The following ZMYND11 variants were observed in gnomAD, a reference collection of about 807,000 sequenced individuals.
ZMYND11 encodes the protein zinc finger MYND domain-containing protein 11.
Under a neutral mutation model 84.9 loss-of-function variants are expected in ZMYND11, and 9 were observed. The observed-to-expected ratio is 0.11, with a 90% CI of 0.06 to 0.18. The LOEUF (loss-of-function observed/expected upper bound fraction) is 0.18, where lower values mean the gene tolerates loss of function less well. Among genes scored for constraint, ZMYND11 ranks in the 10% least tolerant of loss-of-function variants. ZMYND11 has a pLI of 1.00. For synonymous variants in ZMYND11, 250 were observed against 244.1 expected, an observed-to-expected ratio of 1.02 and a Z score of -0.23; for missense variants, 409 against 761.0, an observed-to-expected ratio of 0.54 and a Z score of 5.44.
At chr10:148,150 T>C (rs1388755262) in intron 1 of ZMYND11, 1 of 152,422 alleles carries the variant, frequency 6.6e-6, no homozygotes. Flanking sequence ...AATATTTCCA[T>C]GTACAGGTGG....
Position 249,469 on chromosome 10 carries a change from CAATA to C in ZMYND11, c.1686+386_1686+389del, listed in dbSNP as rs915691139. On this transcript the variant is annotated intron_variant, in intron 14 of 14. Coordinates refer to ENST00000381604, the MANE Select transcript of ZMYND11 (RefSeq NM_001370100.5). ...GGTGAAATTATAAATGTAATTATCA[CAATA>C]AATAGTTTCAGATTTCCCTGCACTT... 9.0e-5 allele frequency: 89 copies of C among 984,730 alleles called. No homozygotes were observed. The African/African-American group carries it at 1.5e-3, about 16-fold the overall frequency. The allele number at this position is 984,730 out of a possible 1,614,324, so 61.0% of individuals were successfully genotyped here.
chr10:249,310 T>A (rs1952841966), intron 14 of ZMYND11: 3 of 1,373,950 alleles, frequency 2.2e-6, no homozygotes, highest in South Asian at 3.4e-5. Context: ...TTTGTTAAAT[T>A]GAGATTATAA....
intron 2 of ZMYND11, among the ~76,000 whole-genome samples, chr10:199,781 A>G (rs749165353): frequency 6.6e-6 from 1 of 152,158 alleles, no homozygotes; most frequent in East Asian, 1.9e-4. Context: ...ATAGTATTCT[A>G]TCAAGTGGAT....
At chr10:135,393 GGGAGGAGGCCGGCAGGGAGGA>G (rs1456339545), upstream of ZMYND11, 3 of 150,942 alleles carry the variant, frequency 2.0e-5, no homozygotes, top group Non-Finnish European at 4.4e-5. This position sits in a 1 kb window ranked among gnomAD's most constrained non-coding sequence, Gnocchi z 5.6. Context: ...CCGGGGAGGA[GGGAGGAGGCCGGCAGGGAGGA>G]GGAGGAGGCG....
At chr10:172,976 T>C (rs1400205724) in intron 1 of ZMYND11, among the ~76,000 whole-genome samples, 1 of 151,602 alleles carries the variant, frequency 6.6e-6, no homozygotes, top group African/African-American at 2.4e-5. Context: ...AGGCAATACA[T>C]TGGAGCAAAA....
chr10:202,839 C>T (rs1209230628), intron 2 of ZMYND11, among the ~76,000 whole-genome samples: 1 of 152,096 alleles, frequency 6.6e-6, no homozygotes, highest in Non-Finnish European at 1.5e-5. Flanking sequence ...GGACTAACAA[C>T]AAAGCAGACC....
intron 5 of ZMYND11, 130 bp from the exon 6 acceptor site, chr10:237,455 C>G: frequency 1.9e-6 from 1 of 526,104 alleles, no homozygotes; most frequent in East Asian, 3.4e-5. Context: ...CCAGCCTGGG[C>G]AAGATGGCAA....
Position 168,154 on chromosome 10 carries a change from C to A in ZMYND11, c.-19-11840C>A, listed in dbSNP as rs1416153910. ...AAAACTGACAATACTGCTGGGCAGA[C>A]AATACTACATATGCAATAATTGTAT... On this transcript the variant is annotated intron_variant, in intron 1 of 14. Coordinates refer to ENST00000381604, the MANE Select transcript of ZMYND11 (RefSeq NM_001370100.5). Among the ~76,000 whole-genome samples, 8 of 151,946 alleles carry A rather than the reference C, an allele frequency of 5.3e-5. 1 individual carries two copies. In the East Asian group the frequency reaches 1.2e-3, roughly 22 times the overall value.
At chr10:237,227 C>A (rs1589177612) in intron 5 of ZMYND11, among the ~76,000 whole-genome samples, 1 of 152,100 alleles carries the variant, frequency 6.6e-6, no homozygotes, top group Non-Finnish European at 1.5e-5. Flanking sequence ...AAATGAAAGG[C>A]AATTTTTCAA....
chr10:150,101 T>C (rs1839958848), intron 1 of ZMYND11, among the ~76,000 whole-genome samples: 1 of 152,220 alleles, frequency 6.6e-6, no homozygotes, highest in Non-Finnish European at 1.5e-5. Context: ...TGCCAGGCGT[T>C]GGTATCAGGA....
upstream of ZMYND11, among the ~76,000 whole-genome samples, chr10:134,105 CCTTA>C (rs1161258359): frequency 6.6e-6 from 1 of 152,074 alleles, no homozygotes; most frequent in Non-Finnish European, 1.5e-5. Context: ...TAGTGCTGAA[CCTTA>C]CTTACACTAC....
At chr10:227,549 G>GA (rs374421265) in intron 4 of ZMYND11, among the ~76,000 whole-genome samples, 15 of 150,984 alleles carry the variant, frequency 9.9e-5, no homozygotes, top group Admixed American at 2.6e-4. Flanking sequence ...GATAGTTAAA[G>GA]AAAAAAAAAT....
rs200125707 is a variant in ZMYND11, at chr10:223,299, A to C, written c.438+1943A>C. On this transcript the variant is annotated intron_variant, in intron 4 of 14. Transcript: ENST00000381604. ...AGTGATCTGCCCACCTGGGCCTCCCAAAGTGCTGAGATTACTGTTGTGAGC... is the reference window on the plus strand; with the variant it reads ...AGTGATCTGCCCACCTGGGCCTCCCCAAGTGCTGAGATTACTGTTGTGAGC... Among the ~76,000 whole-genome samples the C allele has an allele frequency of 4.2e-4, 64 of 152,254 alleles. 1 individual carries two copies. The highest frequency in any genetic ancestry group is 2.7e-3 in the East Asian group (14 of 5,184).
At chr10:154,666 G>A (rs1841271644) in intron 1 of ZMYND11, among the ~76,000 whole-genome samples, 1 of 152,132 alleles carries the variant, frequency 6.6e-6, no homozygotes, top group African/African-American at 2.4e-5. Context: ...CAAATAATGA[G>A]AATCGATGTA....
At chr10:184,628 G>A (rs921545073) in intron 2 of ZMYND11, among the ~76,000 whole-genome samples, 6 of 152,038 alleles carry the variant, frequency 3.9e-5, no homozygotes, top group South Asian at 2.1e-4. Flanking sequence ...TGTTGAGACC[G>A]TAGATTCTAG....
chr10:194,509 C>A (rs1941257336), intron 2 of ZMYND11, among the ~76,000 whole-genome samples: 1 of 152,172 alleles, frequency 6.6e-6, no homozygotes. Flanking sequence ...AACTATTATC[C>A]AAAGTGACTG....
intron 1 of ZMYND11, among the ~76,000 whole-genome samples, chr10:142,841 A>G (rs1223249074): frequency 5.9e-5 from 9 of 152,204 alleles, no homozygotes; most frequent in Non-Finnish European, 1.3e-4. Context: ...CTCACCGGTA[A>G]TGACAGGTAG....
At chr10:223,528 T>C (rs768571025) in intron 4 of ZMYND11, among the ~76,000 whole-genome samples, 15 of 152,200 alleles carry the variant, frequency 9.9e-5, no homozygotes, top group East Asian at 3.9e-4. Context: ...TCAATAAAAA[T>C]CTTGAATTTT....
In ZMYND11 at chr10:239,539, GT is replaced by G. The variant is rs34648283; in HGVS notation, c.697+22del. 5.7e-4 allele frequency: 846 copies of G among 1,473,084 alleles called. 2 individuals carry two copies. In the African/African-American group the frequency reaches 0.011, roughly 19 times the overall value. The allele number at this position is 1,473,084 out of a possible 1,614,324, so 91.3% of individuals were successfully genotyped here. ...TTTTCTATGGAGGTTGAATATTTTT[GT>G]TTTTTTTGTATGCATTTTTAAACAC... On this transcript the variant is annotated intron_variant, in intron 7 of 14. Transcript: ENST00000381604.
Sources: allele counts gnomAD v4.1 joint callset (sites outside exome capture counted in the v4.1 genomes callset), GRCh38; gene constraint gnomAD v4.1.1; non-coding constraint Gnocchi (gnomAD v3.1); transcripts MANE v1.5; gene names NCBI Gene and HGNC (gene_info 2026-07-23, HGNC 2026-07-21).